The following CRCP variants were observed in gnomAD, a reference collection of about 807,000 sequenced individuals.
The protein encoded by CRCP is DNA-directed RNA polymerase III subunit RPC9.
A neutral mutation model predicts 18.5 loss-of-function variants in CRCP; 18 were observed. The observed-to-expected ratio is 0.97, with a 90% confidence interval of 0.67 to 1.44. The LOEUF is 1.44. Among genes scored for constraint, CRCP ranks in the 40% most tolerant of loss-of-function variants. The probability of loss-of-function intolerance (pLI) is 0.00; values close to 1 mark genes in which losing one functional copy is unlikely to be tolerated. For missense variants in CRCP, 130 were observed against 176.4 expected, an observed-to-expected ratio of 0.74 and a Z score of 1.49; for synonymous variants, 53 against 62.9, an observed-to-expected ratio of 0.84 and a Z score of 0.75.
intron 4 of CRCP, among the ~76,000 whole-genome samples, chr7:66,134,850 C>G (rs1375516880): frequency 1.3e-5 from 2 of 152,096 alleles, no homozygotes; most frequent in African/African-American, 4.8e-5. Flanking sequence ...CCCCTTATAG[C>G]ACCATGACCT....
intron 4 of CRCP, among the ~76,000 whole-genome samples, chr7:66,137,583 T>C (rs949698897): frequency 6.6e-6 from 1 of 152,264 alleles, no homozygotes; most frequent in Non-Finnish European, 1.5e-5. Context: ...AGTTTAGGTT[T>C]TCCATGAATG....
At chr7:66,120,058 C>T (rs372538881) in intron 1 of CRCP, among the ~76,000 whole-genome samples, 6 of 151,778 alleles carry the variant, frequency 4.0e-5, no homozygotes, top group South Asian at 2.1e-4. Context: ...GGCGGGCGCC[C>T]GTAGTCCCAG....
At chr7:66,144,870 C>T (rs1385959797) in intron 4 of CRCP, among the ~76,000 whole-genome samples, 1 of 152,286 alleles carries the variant, frequency 6.6e-6, no homozygotes, top group South Asian at 2.1e-4. Context: ...CCGTCCTGGG[C>T]CGGGCACGGT....
intron 1 of CRCP, among the ~76,000 whole-genome samples, chr7:66,125,319 TA>T (rs950070404): frequency 2.7e-5 from 4 of 149,262 alleles, no homozygotes; most frequent in African/African-American, 9.7e-5. Context: ...AAACTGCCTT[TA>T]AAAAAATTCC....
intron 4 of CRCP, among the ~76,000 whole-genome samples, chr7:66,136,760 G>C (rs187911297): frequency 2.0e-5 from 3 of 152,016 alleles, no homozygotes; most frequent in African/African-American, 7.2e-5. Context: ...AGTTTTGGGG[G>C]AGAATTGACA....
chr7:66,130,968 A>G (rs1377089310), intron 3 of CRCP, 126 bp downstream of exon 3: 1 of 630,666 alleles, frequency 1.6e-6, no homozygotes, highest in Non-Finnish European at 2.9e-6. Flanking sequence ...TTCTAACCTG[A>G]TTTTTGTTTG....
At chr7:66,144,987 A>T (rs1338109060) in intron 4 of CRCP, among the ~76,000 whole-genome samples, 3 of 151,270 alleles carry the variant, frequency 2.0e-5, no homozygotes, top group Admixed American at 6.6e-5. Context: ...CATCTCTGCT[A>T]AAAAAATACC....
chr7:66,116,370 C>T (rs1224896341), intron 1 of CRCP, among the ~76,000 whole-genome samples: 1 of 151,482 alleles, frequency 6.6e-6, no homozygotes, highest in African/African-American at 2.4e-5. Flanking sequence ...TGGTTCATGC[C>T]TGTAGTCTCA....
chr7:66,138,595 C>G (rs1788038754), intron 4 of CRCP, among the ~76,000 whole-genome samples: 1 of 139,608 alleles, frequency 7.2e-6, no homozygotes, highest in African/African-American at 2.7e-5. Flanking sequence ...ACCATCCTGG[C>G]TAACACGGTG....
intron 3 of CRCP, among the ~76,000 whole-genome samples, chr7:66,133,545 A>C (rs77135403): frequency 6.6e-6 from 1 of 151,254 alleles, no homozygotes; most frequent in African/African-American, 2.4e-5. Flanking sequence ...CCGTCTCAAA[A>C]AAAAAAAAAA....
At chr7:66,149,752 A>G (rs1397605941) in intron 5 of CRCP, among the ~76,000 whole-genome samples, 1 of 152,182 alleles carries the variant, frequency 6.6e-6, no homozygotes, top group Admixed American at 6.5e-5. Context: ...AAAACTTACT[A>G]GCACGTCTTG....
intron 4 of CRCP, among the ~76,000 whole-genome samples, chr7:66,144,755 G>A (rs1788243739): frequency 6.6e-6 from 1 of 152,188 alleles, no homozygotes; most frequent in South Asian, 2.1e-4. Flanking sequence ...TGGGATTACA[G>A]GCATGAGCCA....
chr7:66,121,096 T>A (rs549519312), intron 1 of CRCP, among the ~76,000 whole-genome samples: 2 of 151,796 alleles, frequency 1.3e-5, no homozygotes, highest in African/African-American at 4.8e-5. Context: ...TTTTTTGAGA[T>A]GGAGTTTCGC....
chr7:66,136,935 C>T (rs575742166), intron 4 of CRCP, among the ~76,000 whole-genome samples: 3 of 151,556 alleles, frequency 2.0e-5, no homozygotes, highest in East Asian at 3.9e-4. Flanking sequence ...AAAAATTAGC[C>T]GGGTGTGGTG....
chr7:66,146,469 CT>C (rs1788303198), intron 5 of CRCP, among the ~76,000 whole-genome samples: 1 of 151,568 alleles, frequency 6.6e-6, no homozygotes, highest in African/African-American at 2.4e-5. Context: ...GAAGAAGAAA[CT>C]TTAGAGAATT....
At chr7:66,120,902 G>A (rs1005864073) in intron 1 of CRCP, among the ~76,000 whole-genome samples, 12 of 151,972 alleles carry the variant, frequency 7.9e-5, no homozygotes, top group African/African-American at 1.7e-4. Context: ...TGAATACCAG[G>A]GGATGCCTGT....
chr7:66,142,759 A>G (rs1366545487), intron 4 of CRCP, among the ~76,000 whole-genome samples: 2 of 152,094 alleles, frequency 1.3e-5, no homozygotes, highest in Non-Finnish European at 2.9e-5. Flanking sequence ...AGCCTCCCAA[A>G]GTGTTGGGAT....
chr7:66,120,043 G>A (rs1235776340), intron 1 of CRCP, among the ~76,000 whole-genome samples: 2 of 151,856 alleles, frequency 1.3e-5, no homozygotes, highest in African/African-American at 2.4e-5. Flanking sequence ...TTAGCTGGGC[G>A]CTGTGGCGGG....
rs547509172 is a variant in CRCP, at chr7:66,144,524, C to T, written c.240-919C>T. 4.0e-4 allele frequency among the ~76,000 whole-genome samples: 61 copies of T among 152,290 alleles called. No individual in the cohort carries two copies. In the South Asian group the frequency reaches 0.012, roughly 31 times the overall value. On this transcript the variant is annotated intron_variant, in intron 4 of 5. Transcript: ENST00000395326. The stretch of plus-strand genomic sequence containing the variant: ...TTTTAGTTTTAGAGATAGGGTGTGG[C>T]TCTGTCGCCCAGGCTGGAGTGCAGG...
Sources: gnomAD v4.1 joint callset for allele counts (sites outside exome capture counted in the v4.1 genomes callset) on GRCh38, gnomAD v4.1.1 for gene constraint, MANE v1.5 for transcripts, NCBI Gene and HGNC (gene_info 2026-07-23, HGNC 2026-07-21) for gene names.